The following FAT3 variants were observed in gnomAD, a reference collection of about 807,000 sequenced individuals.
FAT3 encodes protocadherin Fat 3.
FAT3 carries 95 observed loss-of-function variants against 310.2 expected under a neutral mutation model. The ratio of observed to expected loss-of-function variants is 0.31; its 90% CI spans 0.26 to 0.36. FAT3 has a LOEUF of 0.36. Among genes scored for constraint, FAT3 ranks in the 10% least tolerant of loss-of-function variants. The pLI is 1.00. For missense variants in FAT3, 5,408 were observed against 5,715.6 expected (o/e 0.95, Z 1.74); for synonymous variants, 2,314 against 2,192.9 (o/e 1.06, Z -1.54).
chr11:92,811,986 G>A (rs954767000), intron 13 of FAT3, among the ~76,000 whole-genome samples: 45 of 152,292 alleles, frequency 3.0e-4, no homozygotes, highest in African/African-American at 9.1e-4. Flanking sequence ...GCATACTGAC[G>A]AAGTGGTTGT....
chr11:92,713,680 T>A (rs1472802056), intron 4 of FAT3, among the ~76,000 whole-genome samples: 1 of 152,232 alleles, frequency 6.6e-6, no homozygotes, highest in Non-Finnish European at 1.5e-5. Flanking sequence ...CTATTTAAAT[T>A]CTTTTGGCTT....
At chr11:92,466,576 ATTATT>A (rs1951765560) in intron 2 of FAT3, among the ~76,000 whole-genome samples, 1 of 150,784 alleles carries the variant, frequency 6.6e-6, no homozygotes, top group Non-Finnish European at 1.5e-5. Flanking sequence ...AAATTTTTTA[ATTATT>A]TTATTTTATT....
At chr11:92,550,786 T>A (rs1045794567) in intron 3 of FAT3, among the ~76,000 whole-genome samples, 14 of 150,634 alleles carry the variant, frequency 9.3e-5, no homozygotes, top group East Asian at 7.8e-4. Flanking sequence ...TTTTTTTTTT[T>A]AAAAGAGAGT....
intron 3 of FAT3, among the ~76,000 whole-genome samples, chr11:92,599,978 T>C (rs1321854470): frequency 6.6e-6 from 1 of 152,232 alleles, no homozygotes; most frequent in African/African-American, 2.4e-5. Context: ...GAAGTGTCTT[T>C]TGTGACACTT....
At chr11:92,511,339 G>A (rs572348481) in intron 2 of FAT3, among the ~76,000 whole-genome samples, 11 of 152,018 alleles carry the variant, frequency 7.2e-5, no homozygotes, top group African/African-American at 2.7e-4. Flanking sequence ...TATTTTGTCC[G>A]GTGATCACAG....
chr11:92,634,709 A>G (rs755825986), intron 3 of FAT3, among the ~76,000 whole-genome samples: 8 of 152,202 alleles, frequency 5.3e-5, no homozygotes, highest in Non-Finnish European at 1.0e-4. Context: ...AGCATTGCTC[A>G]GGAATCAATG....
intron 3 of FAT3, among the ~76,000 whole-genome samples, chr11:92,568,297 A>G (rs1031084295): frequency 1.3e-5 from 2 of 152,178 alleles, no homozygotes; most frequent in Non-Finnish European, 2.9e-5. Context: ...ATTAATATGC[A>G]TATTAACATG....
At chr11:92,605,772 T>TC (rs144457012) in intron 3 of FAT3, among the ~76,000 whole-genome samples, 1,572 of 148,474 alleles carry the variant, frequency 0.011, 39 homozygotes, top group African/African-American at 0.037. Context: ...GAGTAATTCT[T>TC]CCCCAAGTCA....
chr11:92,285,735 C>T (rs761320241), intron 1 of FAT3, among the ~76,000 whole-genome samples: 7 of 152,104 alleles, frequency 4.6e-5, no homozygotes, highest in Non-Finnish European at 7.4e-5. Context: ...TGTTTTGTCT[C>T]ATAAGAAGAG....
Position 92,867,152 on chromosome 11 carries a change from G to T in FAT3, c.12070G>T (p.Ala4024Ser). 6.3e-7 allele frequency: 1 copy of T among 1,599,146 alleles called. No homozygotes were observed. The highest frequency in any genetic ancestry group is 8.5e-7 in the Non-Finnish European group (1 of 1,174,648). Residue 4024 changes from alanine to serine, a missense_variant, in exon 22 of 28, where the codon GCC (alanine) becomes TCC (serine). Physicochemically the swap from Ala to Ser is moderately conservative, Grantham distance 99. Coordinates refer to ENST00000525166, the MANE Select transcript of FAT3 (RefSeq NM_001367949.2). ...LKLGCVLYPD[A>S]CKRSPCQHGG... is the part of the protein sequence containing the mutation. ...GCTGGGCTGCGTGCTCTATCCCGAC[G>T]CCTGCAAGCGCAGCCCGTGCCAGCA...
intron 9 of FAT3, among the ~76,000 whole-genome samples, chr11:92,794,707 A>G (rs1565598875): frequency 6.6e-6 from 1 of 151,928 alleles, no homozygotes; most frequent in African/African-American, 2.4e-5. Flanking sequence ...AGAAAACCCA[A>G]ACTTCCAGAA....
intron 2 of FAT3, among the ~76,000 whole-genome samples, chr11:92,394,659 T>G (rs1005340356): frequency 6.6e-6 from 1 of 151,668 alleles, no homozygotes; most frequent in Non-Finnish European, 1.5e-5. Context: ...AAAAAAAACT[T>G]TATCAAAAAA....
intron 1 of FAT3, among the ~76,000 whole-genome samples, chr11:92,236,988 G>T (rs1415773208): frequency 1.3e-5 from 2 of 151,640 alleles, no homozygotes; most frequent in African/African-American, 2.4e-5. Flanking sequence ...TGTAAATCCC[G>T]TTTTTTCCCT....
In FAT3 at chr11:92,242,945, A is replaced by G. The variant is rs569771768; in HGVS notation, c.-18+17771A>G. On this transcript the variant is annotated intron_variant, in intron 1 of 27. Coordinates refer to ENST00000525166, the MANE Select transcript of FAT3 (RefSeq NM_001367949.2). The stretch of plus-strand genomic sequence containing the variant: ...TTTATTTAGTGGATGTGTTCCAGGG[A>G]AAAAAATGTGTACTTTTCGGAGGAC... Among the ~76,000 whole-genome samples, 82 of 152,086 alleles carry G rather than the reference A, an allele frequency of 5.4e-4. 1 individual carries two copies. The South Asian group carries it at 1.0e-2, about 18-fold the overall frequency.
rs113539326 is a variant in FAT3, at chr11:92,629,767, G to A, written c.3608-67617G>A. ...TATGCCTGTCTCTCCTACTATGCTT[G>A]CTTCCCACCATCATCTAAATCAGAC... On this transcript the variant is annotated intron_variant, in intron 3 of 27. Transcript: ENST00000525166. Among the ~76,000 whole-genome samples, 688 of 152,116 alleles carry A rather than the reference G, an allele frequency of 4.5e-3. 1 individual carries two copies. The highest frequency in any genetic ancestry group is 7.8e-3 in the Non-Finnish European group (533 of 67,980).
chr11:92,404,131 T>G (rs1430073856), intron 2 of FAT3, among the ~76,000 whole-genome samples: 2 of 152,106 alleles, frequency 1.3e-5, no homozygotes, highest in Non-Finnish European at 2.9e-5. Flanking sequence ...TTTGGAACTT[T>G]CATCCATAAA....
Position 92,889,844 on chromosome 11 carries a change from G to T in FAT3, c.13112-12G>T. 1 of 717,852 alleles carries T rather than the reference G, an allele frequency of 1.4e-6. No homozygotes were observed. Among genetic ancestry groups the T allele is most frequent in the South Asian group, 1.5e-5 (1 of 67,604 alleles). The allele number at this position is 717,852 out of a possible 1,614,324, so 44.5% of individuals were successfully genotyped here. On this transcript the variant is annotated splice_polypyrimidine_tract_variant and intron_variant, in intron 26 of 27. Transcript: ENST00000525166. ...GACTGTCAGTTTTACTTTTCACTTT[G>T]TATTTAAACAGTGTCTGTCATGGAC...
intron 2 of FAT3, among the ~76,000 whole-genome samples, chr11:92,370,810 T>C (rs1949166025): frequency 6.6e-6 from 1 of 152,188 alleles, no homozygotes; most frequent in Admixed American, 6.5e-5. Flanking sequence ...TTATGCTAAC[T>C]CAAAATTCTG....
At chr11:92,884,892 C>A (rs1949763291) in intron 24 of FAT3, among the ~76,000 whole-genome samples, 1 of 152,082 alleles carries the variant, frequency 6.6e-6, no homozygotes, top group African/African-American at 2.4e-5. Flanking sequence ...ATGGTCAAAC[C>A]AGGCCTCCAA....
Sources: gnomAD v4.1 joint callset for allele counts (sites outside exome capture counted in the v4.1 genomes callset) on GRCh38, gnomAD v4.1.1 for gene constraint, MANE v1.5 for transcripts, NCBI Gene and HGNC (gene_info 2026-07-23, HGNC 2026-07-21) for gene names.